SCUBE2: variants seen among roughly 807,000 people sequenced by gnomAD.
The protein encoded by SCUBE2 is signal peptide, CUB domain and EGF like domain containing 2, also known as signal peptide, CUB and EGF-like domain-containing protein 2.
A neutral mutation model predicts 125.9 loss-of-function variants in SCUBE2; 114 were observed. The ratio of observed to expected loss-of-function variants is 0.91; its 90% CI spans 0.78 to 1.06. SCUBE2 has a LOEUF of 1.06. SCUBE2 is among the 50% of genes least tolerant of loss of function. The pLI, the probability that SCUBE2 is intolerant of heterozygous loss-of-function variation, is 0.00. For missense variants in SCUBE2, 1,255 were observed against 1,301.8 expected (o/e 0.96, Z 0.55); for synonymous variants, 459 against 492.9 (o/e 0.93, Z 0.91).
intron 2 of SCUBE2, among the ~76,000 whole-genome samples, chr11:9,083,682 G>T (rs910122013): frequency 6.6e-6 from 1 of 151,850 alleles, no homozygotes; most frequent in Non-Finnish European, 1.5e-5. Flanking sequence ...AGCCTCCCGA[G>T]TAGCTGGGAT....
chr11:9,021,838 G>C, intron 22 of SCUBE2, 38 bp downstream of exon 22: 1 of 1,470,484 alleles, frequency 6.8e-7, no homozygotes, highest in Non-Finnish European at 9.5e-7. Flanking sequence ...GGGAAGCTCT[G>C]TGGATAACTG....
Position 9,089,746 on chromosome 11 carries a change from AG to A in SCUBE2, c.216del (p.Cys73AlafsTer31), listed in dbSNP as rs760784706. 1 of 1,613,954 alleles carries A rather than the reference AG, an allele frequency of 6.2e-7. No individual in the cohort carries two copies. Among genetic ancestry groups the A allele is most frequent in the Non-Finnish European group, 8.5e-7 (1 of 1,179,914 alleles). On this transcript the variant is annotated frameshift_variant, in exon 2 of 23. Transcript: ENST00000649792. LOFTEE classifies it high-confidence loss of function. ...CQNTPTSYKC[S>X]CKPGYQGEGR... ...CCTTCCCCTTGGTAGCCAGGCTTGC[AG>A]GAGCACTTGTAGGAGGTGGGTGTGT...
At chr11:9,071,341 A>G (rs1349646787) in intron 4 of SCUBE2, among the ~76,000 whole-genome samples, 1 of 152,232 alleles carries the variant, frequency 6.6e-6, no homozygotes, top group African/African-American at 2.4e-5. Context: ...GAATGCCTGT[A>G]TGCCAGATGC....
intron 1 of SCUBE2, among the ~76,000 whole-genome samples, chr11:9,090,128 G>T (rs1055134364): frequency 6.6e-6 from 1 of 152,126 alleles, no homozygotes; most frequent in African/African-American, 2.4e-5. Context: ...CCAAGTGCTC[G>T]CATATGTATG....
intron 17 of SCUBE2, among the ~76,000 whole-genome samples, chr11:9,032,194 C>G (rs1163228456): frequency 6.6e-6 from 1 of 151,962 alleles, no homozygotes; most frequent in Non-Finnish European, 1.5e-5. Flanking sequence ...TCACAGCTTA[C>G]TACAGCTTGA....
chr11:9,039,363 C>T (rs543973247), intron 16 of SCUBE2, among the ~76,000 whole-genome samples: 6 of 152,278 alleles, frequency 3.9e-5, no homozygotes, highest in South Asian at 2.1e-4. Flanking sequence ...GGATGAGGAA[C>T]GCAACAGAAA....
intron 4 of SCUBE2, among the ~76,000 whole-genome samples, chr11:9,072,537 A>G (rs532443611): frequency 6.6e-6 from 1 of 152,298 alleles, no homozygotes; most frequent in East Asian, 1.9e-4. Flanking sequence ...CTACAGTTTC[A>G]TAGAGTTTAA....
chr11:9,040,673 C>T (rs546776261), intron 16 of SCUBE2, among the ~76,000 whole-genome samples: 5 of 149,892 alleles, frequency 3.3e-5, no homozygotes, highest in African/African-American at 1.2e-4. Context: ...GGAGGGTACA[C>T]AGTGTGGGTA....
chr11:9,079,355 G>A (rs780683656), intron 3 of SCUBE2, 29 bp downstream of exon 3: 2 of 1,613,328 alleles, frequency 1.2e-6, no homozygotes, highest in South Asian at 2.2e-5. Flanking sequence ...GAGTGAAGGA[G>A]AATTGCCATT....
chr11:9,071,796 AC>A (rs1386050916), intron 4 of SCUBE2, among the ~76,000 whole-genome samples: 9 of 152,160 alleles, frequency 5.9e-5, no homozygotes, highest in African/African-American at 2.2e-4. Flanking sequence ...CCACTTTGCC[AC>A]CCTGACACCT....
At chr11:9,028,865 C>T (rs1856020860) in intron 19 of SCUBE2, among the ~76,000 whole-genome samples, 1 of 152,116 alleles carries the variant, frequency 6.6e-6, no homozygotes. Flanking sequence ...AAGTCCAATC[C>T]ACCAACAAGC....
chr11:9,079,163 G>A (rs3763900), intron 3 of SCUBE2, among the ~76,000 whole-genome samples: 2,845 of 152,256 alleles, frequency 0.019, 102 homozygotes, highest in East Asian at 0.12. Context: ...TAGTAATGAC[G>A]ATGTCACCCA....
At chr11:9,041,059 G>C (rs1329400235) in intron 16 of SCUBE2, among the ~76,000 whole-genome samples, 1 of 152,160 alleles carries the variant, frequency 6.6e-6, no homozygotes, top group Non-Finnish European at 1.5e-5. Flanking sequence ...AGGACAAATG[G>C]ATTTGCAACC....
intron 16 of SCUBE2, among the ~76,000 whole-genome samples, chr11:9,046,321 G>T (rs547023875): frequency 6.6e-6 from 1 of 151,926 alleles, no homozygotes; most frequent in Admixed American, 6.6e-5. Flanking sequence ...AGTGTCTTTC[G>T]TAGGCTGTTG....
chr11:9,087,667 T>A (rs1159592150), intron 2 of SCUBE2, among the ~76,000 whole-genome samples: 3 of 152,208 alleles, frequency 2.0e-5, no homozygotes, highest in Admixed American at 2.0e-4. Flanking sequence ...GGGAGCTCCC[T>A]GAATGATATC....
chr11:9,085,499 G>A (rs1861977323), intron 2 of SCUBE2, among the ~76,000 whole-genome samples: 1 of 152,206 alleles, frequency 6.6e-6, no homozygotes, highest in Admixed American at 6.5e-5. Flanking sequence ...GGCCAAGGCA[G>A]GCGGATCATG....
chr11:9,058,307 T>A (rs532736055), intron 9 of SCUBE2, among the ~76,000 whole-genome samples: 14 of 151,534 alleles, frequency 9.2e-5, no homozygotes, highest in Non-Finnish European at 1.6e-4. Context: ...TACTAAAAAT[T>A]CAGAAATTGG....
At chr11:9,085,561 C>T (rs140980917) in intron 2 of SCUBE2, among the ~76,000 whole-genome samples, 2,257 of 152,028 alleles carry the variant, frequency 0.015, 54 homozygotes, top group African/African-American at 0.052. Context: ...CCCGTCTTTG[C>T]TAAAAATACA....
chr11:9,080,250 G>T (rs563464288), intron 2 of SCUBE2, among the ~76,000 whole-genome samples: 1 of 152,292 alleles, frequency 6.6e-6, no homozygotes, highest in South Asian at 2.1e-4. Flanking sequence ...TATTCAAAAA[G>T]ATGACTTTAG....
Sources: allele counts gnomAD v4.1 joint callset (sites outside exome capture counted in the v4.1 genomes callset), GRCh38; gene constraint gnomAD v4.1.1; transcripts MANE v1.5; gene names NCBI Gene and HGNC (gene_info 2026-07-23, HGNC 2026-07-21).